The following MOSMO variants were observed in gnomAD, a reference collection of about 807,000 sequenced individuals.
The protein encoded by MOSMO is modulator of smoothened.
In MOSMO, 5 loss-of-function variants were observed where a neutral mutation model predicts 18.4. That is an observed-to-expected ratio of 0.27 (90% CI 0.14 to 0.57). The LOEUF is 0.57. MOSMO is among the 20% of genes least tolerant of loss of function. The pLI, the probability that MOSMO is intolerant of heterozygous loss-of-function variation, is 0.92. For missense variants in MOSMO, 138 were observed against 211.8 expected (o/e 0.65, Z 2.16); for synonymous variants, 82 against 82.3 (o/e 1.00, Z 0.02).
intron 1 of MOSMO, among the ~76,000 whole-genome samples, chr16:22,044,916 A>G (rs1268950112): frequency 1.3e-5 from 2 of 151,972 alleles, no homozygotes; most frequent in Non-Finnish European, 2.9e-5. Context: ...TGGCTCACAC[A>G]TGTAATCCCA....
chr16:22,014,027 G>A (rs1010930239), intron 1 of MOSMO, among the ~76,000 whole-genome samples: 2 of 152,052 alleles, frequency 1.3e-5, no homozygotes, highest in African/African-American at 4.8e-5. Context: ...ACTTACATTT[G>A]GGGGCACGTG....
chr16:22,017,501 G>A (rs1899664610), intron 1 of MOSMO, among the ~76,000 whole-genome samples: 1 of 152,076 alleles, frequency 6.6e-6, no homozygotes, highest in Non-Finnish European at 1.5e-5. Context: ...TAAGCAGCTA[G>A]CAGCTTTATA....
At chr16:22,075,774 A>G in intron 2 of MOSMO, 75 bp downstream of exon 2, 1 of 1,089,046 alleles carries the variant, frequency 9.2e-7, no homozygotes, top group Non-Finnish European at 1.3e-6. Flanking sequence ...GATAATCAAG[A>G]ATCAGTAATA....
At chr16:22,013,902 C>A (rs1006887724) in intron 1 of MOSMO, among the ~76,000 whole-genome samples, 31 of 151,788 alleles carry the variant, frequency 2.0e-4, no homozygotes, top group African/African-American at 7.3e-4. Context: ...ATCTCAAAAA[C>A]TGACATGTTT....
At chr16:22,061,558 CAG>C (rs766036969) in intron 1 of MOSMO, among the ~76,000 whole-genome samples, 6 of 152,204 alleles carry the variant, frequency 3.9e-5, no homozygotes, top group Non-Finnish European at 8.8e-5. Flanking sequence ...TCTGGAAACA[CAG>C]GGGTCATGTC....
rs1899530269 is a variant in MOSMO, at chr16:22,011,639, A to C, written c.106+3232A>C. Reference sequence around the variant, plus strand: ...CAAGGTCCAGAGTGTAACAGTGACAATGTGTGGCTGATGTGGGATCGAGGA... The same window carrying C: ...CAAGGTCCAGAGTGTAACAGTGACACTGTGTGGCTGATGTGGGATCGAGGA... On this transcript the variant is annotated intron_variant, in intron 1 of 2. Coordinates refer to ENST00000542527, the MANE Select transcript of MOSMO (RefSeq NM_001164579.2). Among the ~76,000 whole-genome samples, 3 of 152,258 alleles carry C rather than the reference A, an allele frequency of 2.0e-5. No homozygotes were observed. The South Asian group carries it at 6.2e-4, about 32-fold the overall frequency.
chr16:22,034,194 C>G (rs1367047978), intron 1 of MOSMO, among the ~76,000 whole-genome samples: 1 of 152,192 alleles, frequency 6.6e-6, no homozygotes, highest in African/African-American at 2.4e-5. Context: ...TATCCATAAG[C>G]TGTAATCACT....
chr16:22,073,358 G>C (rs1277874598), intron 1 of MOSMO, among the ~76,000 whole-genome samples: 1 of 152,046 alleles, frequency 6.6e-6, no homozygotes, highest in Non-Finnish European at 1.5e-5. Context: ...TTTGTCAGAG[G>C]GTCTTTCATT....
At chr16:22,036,591 G>C (rs1251847587) in intron 1 of MOSMO, among the ~76,000 whole-genome samples, 1 of 152,142 alleles carries the variant, frequency 6.6e-6, no homozygotes, top group East Asian at 1.9e-4. Context: ...CGGACTACAG[G>C]TGTGCACTAC....
rs1901069243 is a variant in MOSMO at position 22,081,051 on chromosome 16, T to C, written c.*171T>C. 3.2e-6 allele frequency: 1 copy of C among 313,252 alleles called. No individual in the cohort carries two copies. The allele number at this position is 313,252 out of a possible 1,614,324, so 19.4% of individuals were successfully genotyped here. A position where few individuals can be genotyped will look rare whatever the true frequency, so the allele number is the denominator to read the frequency against. On this transcript the variant is annotated 3_prime_UTR_variant, in exon 3 of 3. Coordinates refer to ENST00000542527, the MANE Select transcript of MOSMO (RefSeq NM_001164579.2). ...AAAATGCTTTGGTTTGTTCTCACTA[T>C]GCACTTTGGATTTAAAAAAAAAAAA...
chr16:22,041,309 A>C (rs575353320), intron 1 of MOSMO, among the ~76,000 whole-genome samples: 2 of 152,164 alleles, frequency 1.3e-5, no homozygotes, highest in Non-Finnish European at 2.9e-5. Flanking sequence ...ACAGAAGCAT[A>C]GTTTAGAGAG....
chr16:22,088,403 C>T (rs556734802), downstream of MOSMO, among the ~76,000 whole-genome samples: 16 of 152,256 alleles, frequency 1.1e-4, no homozygotes, highest in African/African-American at 3.9e-4. Flanking sequence ...CCATTTGATA[C>T]ATATCAAATA....
chr16:22,031,195 G>A (rs1413215642), intron 1 of MOSMO, among the ~76,000 whole-genome samples: 2 of 152,178 alleles, frequency 1.3e-5, no homozygotes, highest in Non-Finnish European at 2.9e-5. Context: ...CAGGTAGAAG[G>A]AAGCCTCAGA....
chr16:22,055,152 A>C (rs1407057281), intron 1 of MOSMO, among the ~76,000 whole-genome samples: 1 of 152,162 alleles, frequency 6.6e-6, no homozygotes, highest in Non-Finnish European at 1.5e-5. Flanking sequence ...AACATCATAC[A>C]TCAGTGTATT....
Position 22,028,862 on chromosome 16 carries a change from A to G in MOSMO, c.106+20455A>G, listed in dbSNP as rs376404301. 3.6e-3 allele frequency among the ~76,000 whole-genome samples: 547 copies of G among 151,908 alleles called. 4 individuals are homozygous for G. The highest frequency in any genetic ancestry group is 6.8e-3 in the Non-Finnish European group (462 of 67,914). On this transcript the variant is annotated intron_variant, in intron 1 of 2. Transcript: ENST00000542527. ...AGCATTATTTCCTGTACCCACTGCT[A>G]TGTTTGTTTGTTTGTTTATTTATTT...
intron 1 of MOSMO, among the ~76,000 whole-genome samples, chr16:22,015,472 G>GT (rs1263238995): frequency 6.6e-6 from 1 of 152,082 alleles, no homozygotes; most frequent in East Asian, 1.9e-4. Flanking sequence ...GGACCACTCA[G>GT]TTTTTTACTT....
chr16:22,044,209 TAA>T (rs1814407061), intron 1 of MOSMO, among the ~76,000 whole-genome samples: 1 of 152,002 alleles, frequency 6.6e-6, no homozygotes, highest in African/African-American at 2.4e-5. Flanking sequence ...ACACCATATA[TAA>T]AAATAGTATA....
chr16:22,051,448 CAAAAG>C (rs1304705944), intron 1 of MOSMO, among the ~76,000 whole-genome samples: 1 of 151,450 alleles, frequency 6.6e-6, no homozygotes, highest in African/African-American at 2.4e-5. Flanking sequence ...CTACCATAAA[CAAAAG>C]AAAAATAACA....
In MOSMO at chr16:22,008,134, C is replaced by T. The variant is rs914260443; in HGVS notation, c.-168C>T. ...GCGGTTCCGTCTGTGCGGGCCGCGC[C>T]GCGGCTGCTGGTCCCGGGCGCGCGG... On this transcript the variant is annotated 5_prime_UTR_variant, in exon 1 of 3. Coordinates refer to ENST00000542527, the MANE Select transcript of MOSMO (RefSeq NM_001164579.2). 2.6e-4 allele frequency: 38 copies of T among 148,484 alleles called. No homozygotes were observed. The highest frequency in any genetic ancestry group is 7.9e-4 in the African/African-American group (32 of 40,424). 9.2% of individuals were successfully genotyped at this position (148,484 alleles called of 1,614,324 possible). A position where few individuals can be genotyped will look rare whatever the true frequency, so the allele number is the denominator to read the frequency against.
Sources: allele counts gnomAD v4.1 joint callset (sites outside exome capture counted in the v4.1 genomes callset), GRCh38; gene constraint gnomAD v4.1.1; transcripts MANE v1.5; gene names NCBI Gene and HGNC (gene_info 2026-07-23, HGNC 2026-07-21).